The following AARS1 variants were observed in gnomAD, a reference collection of about 807,000 sequenced individuals.
AARS1 encodes alanine--tRNA ligase, cytoplasmic.
In AARS1, 72 loss-of-function variants were observed where a neutral mutation model predicts 108.9. That is an observed-to-expected ratio of 0.66 (90% confidence interval 0.55 to 0.80). The LOEUF (loss-of-function observed/expected upper bound fraction) is 0.80, where lower values mean the gene tolerates loss of function less well. AARS1 is among the 30% of genes least tolerant of loss of function. The pLI is 0.00. For synonymous variants in AARS1, 489 were observed against 465.7 expected, an observed-to-expected ratio of 1.05 and a Z score of -0.64; for missense variants, 1,193 against 1,233.2, an observed-to-expected ratio of 0.97 and a Z score of 0.49.
intron 1 of AARS1, among the ~76,000 whole-genome samples, chr16:70,285,550 G>C (rs1960820068): frequency 6.6e-6 from 1 of 152,080 alleles, no homozygotes; most frequent in Non-Finnish European, 1.5e-5. Context: ...CCAAGTTCCT[G>C]CAATTCTCCT....
rs138490305 is a variant in AARS1 at position 70,269,622 on chromosome 16, G to T, written c.958C>A (p.Arg320Ser). The T allele has an allele frequency of 2.5e-6, 4 of 1,613,862 alleles. No individual in the cohort carries two copies. The South Asian group carries it at 4.4e-5, about 18-fold the overall frequency. Residue 320 changes from arginine (R) to serine (S), a missense_variant, in exon 7 of 21, where the codon CGT (arginine) becomes AGT (serine). Arg to Ser is a moderately radical substitution (Grantham distance 110). Transcript: ENST00000261772. ...CCCAGTGTGCAGCATACTTACCCAC[G>T]CCCTGTGTTGTCAGGCCGGCCACCA... ...ADGGRPDNTGRGYVLRRILRR... is the reference protein window; with the variant it reads ...ADGGRPDNTGSGYVLRRILRR...
intron 17 of AARS1, 133 bp from the exon 18 acceptor site, chr16:70,254,171 A>T: frequency 8.1e-7 from 1 of 1,227,240 alleles, no homozygotes; most frequent in Non-Finnish European, 1.2e-6. Context: ...CTTTGAGACC[A>T]GTCCCTTTAG....
chr16:70,254,170 C>T, intron 17 of AARS1, 132 bp from the exon 18 acceptor site: 1 of 1,258,096 alleles, frequency 7.9e-7, no homozygotes, highest in Non-Finnish European at 1.1e-6. Context: ...GCTTTGAGAC[C>T]AGTCCCTTTA....
In AARS1 at chr16:70,260,971, C is replaced by T. The variant is rs183538974; in HGVS notation, c.1785+73G>A. The T allele has an allele frequency of 2.2e-5, 28 of 1,251,258 alleles. No individual in the cohort carries two copies. The East Asian group carries it at 5.7e-4, about 26-fold the overall frequency. The allele number at this position is 1,251,258 out of a possible 1,614,324, so 77.5% of individuals were successfully genotyped here. On this transcript the variant is annotated intron_variant, in intron 13 of 20. Transcript: ENST00000261772. ...GCCACCACACCCGGCCCAACAGTGA[C>T]AGGACAATTTAAAGCCAGAGGAGAA... is the stretch of plus-strand genomic sequence containing the variant.
intron 7 of AARS1, 79 bp downstream of exon 7, chr16:70,269,539 C>G: frequency 1.9e-6 from 3 of 1,592,568 alleles, no homozygotes; most frequent in South Asian, 2.2e-5. Flanking sequence ...ATCTCACACA[C>G]AAAGAAAAGT....
chr16:70,259,803 G>A (rs1960090453), intron 13 of AARS1, among the ~76,000 whole-genome samples: 1 of 150,406 alleles, frequency 6.6e-6, no homozygotes, highest in African/African-American at 2.5e-5. Context: ...AAGGAGTTTC[G>A]CTCTTGTTGC....
intron 15 of AARS1, 30 bp downstream of exon 15, chr16:70,258,003 C>T (rs1217050472): frequency 1.2e-6 from 2 of 1,612,854 alleles, no homozygotes; most frequent in African/African-American, 2.7e-5. Context: ...GGTAGATGAC[C>T]TGTCTACTCT....
chr16:70,287,638 G>C (rs2152173341), intron 1 of AARS1, among the ~76,000 whole-genome samples: 1 of 151,986 alleles, frequency 6.6e-6, no homozygotes, highest in Non-Finnish European at 1.5e-5. Context: ...AGCTACTCGG[G>C]AGGCTGAGTC....
Position 70,259,084 on chromosome 16 carries a change from C to G in AARS1, c.1888G>C (p.Ala630Pro). 1 of 1,614,178 alleles carries G rather than the reference C, an allele frequency of 6.2e-7. No homozygotes were observed. The highest frequency in any genetic ancestry group is 8.5e-7 in the Non-Finnish European group (1 of 1,180,016). Residue 630 changes from alanine to proline, a missense_variant, in exon 14 of 21, where the codon GCT becomes CCT. Transcript: ENST00000261772. ...GEADQKGSLV[A>P]PDRLRFDFTA... is the part of the protein sequence containing the mutation. ...AAGTCAAATCTGAGGCGGTCAGGAG[C>G]AACCAATGAGCCTTTCTGGTCAGCT...
chr16:70,275,261 A>AAAAC (rs1555542173), intron 4 of AARS1, among the ~76,000 whole-genome samples: 4 of 152,092 alleles, frequency 2.6e-5, no homozygotes, highest in African/African-American at 9.7e-5. Flanking sequence ...CTCTGTCTCA[A>AAAAC]AAACAAACAA....
intron 9 of AARS1, among the ~76,000 whole-genome samples, chr16:70,267,002 A>G (rs1960279280): frequency 2.0e-5 from 3 of 151,220 alleles, no homozygotes; most frequent in Non-Finnish European, 2.9e-5. Flanking sequence ...ACACCCAGCT[A>G]ATTTTTTGTA....
At chr16:70,281,936 G>C (rs980317839) in intron 2 of AARS1, among the ~76,000 whole-genome samples, 1 of 152,010 alleles carries the variant, frequency 6.6e-6, no homozygotes, top group African/African-American at 2.4e-5. Context: ...TGGATCACAA[G>C]GTCAGGAGAT....
intron 16 of AARS1, among the ~76,000 whole-genome samples, 197 bp downstream of exon 16, chr16:70,255,531 G>C (rs1959967395): frequency 6.6e-6 from 1 of 152,028 alleles, no homozygotes; most frequent in Non-Finnish European, 1.5e-5. Flanking sequence ...CTAAACATAG[G>C]AAAGCTAGGA....
chr16:70,254,024 T>G lies in AARS1; in HGVS notation c.2415A>C (p.Ala805=). 6.2e-7 allele frequency: 1 copy of G among 1,614,106 alleles called. No individual in the cohort carries two copies. Among genetic ancestry groups the G allele is most frequent in the Non-Finnish European group, 8.5e-7 (1 of 1,180,030 alleles). The change falls in exon 18 of 21, where the codon GCA becomes GCC. Residue 805 remains alanine (A), a synonymous_variant. Transcript: ENST00000261772. ...IADLGEALAT[A]VIPQWQKDEL... is the part of the protein sequence containing the mutation. ...CATCCTTCTGCCACTGGGGGATGAC[T>G]GCAGTGGCCAGGGCCTGGAACCAAT...
Position 70,253,755 on chromosome 16 carries a change from G to A in AARS1, c.2566C>T (p.Pro856Ser). 6.2e-7 allele frequency: 1 copy of A among 1,614,174 alleles called. No homozygotes were observed. Among genetic ancestry groups the A allele is most frequent in the South Asian group, 1.1e-5 (1 of 91,086 alleles). Residue 856 changes from proline (P) to serine (S), a missense_variant, in exon 19 of 21, where the codon CCT (proline) becomes TCT (serine). Coordinates refer to ENST00000261772, the MANE Select transcript of AARS1 (RefSeq NM_001605.3). ...CTCTCCATCTCCAGGATGACAAGAG[G>A]CTGGTTGGGGTTGCTGTCGATGAAC... ...KQFIDSNPNQ[P>S]LVILEMESGA...
At position 70,254,002 on chromosome 16, in the gene AARS1, C is replaced by T; in HGVS notation, c.2437G>A (p.Asp813Asn). 1 of 1,614,182 alleles carries T rather than the reference C, an allele frequency of 6.2e-7. No individual in the cohort carries two copies. Among genetic ancestry groups the T allele is most frequent in the African/African-American group, 1.3e-5 (1 of 75,052 alleles). The change falls in exon 18 of 21, where the codon GAT becomes AAT. Residue 813 changes from aspartate to asparagine, a missense_variant. Coordinates refer to ENST00000261772, the MANE Select transcript of AARS1 (RefSeq NM_001605.3). Reference sequence around the variant, plus strand: ...GATTTGAGAGTCTCCCGCAATTCATCCTTCTGCCACTGGGGGATGACTGCA... The same window carrying T: ...GATTTGAGAGTCTCCCGCAATTCATTCTTCTGCCACTGGGGGATGACTGCA... ...ATAVIPQWQK[D>N]ELRETLKSLK...
intron 7 of AARS1, among the ~76,000 whole-genome samples, chr16:70,268,990 T>C (rs1960328683): frequency 6.6e-6 from 1 of 152,152 alleles, no homozygotes; most frequent in Non-Finnish European, 1.5e-5. Context: ...GTGGATCATC[T>C]GAGGTCAGGA....
At chr16:70,281,432 G>A (rs1597448063) in intron 2 of AARS1, among the ~76,000 whole-genome samples, 1 of 152,166 alleles carries the variant, frequency 6.6e-6, no homozygotes, top group African/African-American at 2.4e-5. Flanking sequence ...TTGGGAGGCT[G>A]AGGTGGGTGG....
Position 70,265,045 on chromosome 16 carries a change from C to T in AARS1, c.1405G>A (p.Ala469Thr), listed in dbSNP as rs141486562. ...GEDLIMLDIYAIEELRARGLE... is the reference protein window; with the variant it reads ...GEDLIMLDIYTIEELRARGLE... Reference sequence around the variant, plus strand: ...CCCCGTGCCCGGAGCTCTTCGATAGCGTAAATGTCCAGCATAATGAGGTCT... The same window carrying T: ...CCCCGTGCCCGGAGCTCTTCGATAGTGTAAATGTCCAGCATAATGAGGTCT... The change falls in exon 11 of 21, where the codon GCT becomes ACT. Residue 469 changes from alanine to threonine, a missense_variant. Ala to Thr is a moderately conservative substitution (Grantham distance 58, BLOSUM62 0). Coordinates refer to ENST00000261772, the MANE Select transcript of AARS1 (RefSeq NM_001605.3). The T allele has an allele frequency of 7.5e-5, 121 of 1,614,110 alleles. 1 individual carries two copies. Among genetic ancestry groups the T allele is most frequent in the Middle Eastern group, 5.0e-4 (3 of 6,060 alleles).
Sources: gnomAD v4.1 joint callset for allele counts (sites outside exome capture counted in the v4.1 genomes callset) on GRCh38, gnomAD v4.1.1 for gene constraint, MANE v1.5 for transcripts, NCBI Gene and HGNC (gene_info 2026-07-23, HGNC 2026-07-21) for gene names.